PCDH15: variants seen among roughly 807,000 people sequenced by gnomAD.
PCDH15 encodes protocadherin related 15, also known as protocadherin-15.
A neutral mutation model predicts 178.5 loss-of-function variants in PCDH15; 129 were observed. The ratio of observed to expected loss-of-function variants is 0.72; its 90% CI spans 0.63 to 0.84. The LOEUF is 0.84. PCDH15 is among the 40% of genes least tolerant of loss of function. The probability of loss-of-function intolerance (pLI) is 0.00; values close to 1 mark genes in which losing one functional copy is unlikely to be tolerated. For synonymous variants in PCDH15, 800 were observed against 732.0 expected (o/e 1.09, Z -1.50); for missense variants, 2,230 against 2,099.9 (o/e 1.06, Z -1.21).
intron 2 of PCDH15, among the ~76,000 whole-genome samples, chr10:55,618,941 C>T (rs186966135): frequency 1.3e-5 from 2 of 152,130 alleles, no homozygotes; most frequent in African/African-American, 2.4e-5. Context: ...ACTGTGAATG[C>T]ACTTTACAAA....
chr10:54,722,493 T>C (rs2132521900), intron 1 of PCDH15, among the ~76,000 whole-genome samples: 1 of 151,774 alleles, frequency 6.6e-6, no homozygotes, highest in South Asian at 2.1e-4. Flanking sequence ...GTGTTGTTTA[T>C]TTGGTCTTGA....
At chr10:53,880,910 G>A (rs984724421) in intron 26 of PCDH15, among the ~76,000 whole-genome samples, 2 of 152,078 alleles carry the variant, frequency 1.3e-5, no homozygotes, top group African/African-American at 4.8e-5. Context: ...AAAAAACAGT[G>A]TCTGTCCTCA....
intron 9 of PCDH15, among the ~76,000 whole-genome samples, chr10:54,214,685 C>T (rs139426137): frequency 6.3e-4 from 96 of 152,154 alleles, no homozygotes; most frequent in South Asian, 3.9e-3. Context: ...TCTGCCTTCC[C>T]GGTTCAAGTG....
At chr10:55,571,888 T>A (rs1400264819) in intron 2 of PCDH15, among the ~76,000 whole-genome samples, 2 of 152,108 alleles carry the variant, frequency 1.3e-5, no homozygotes, top group African/African-American at 4.8e-5. Context: ...ACTGTATCTT[T>A]GCAAAGCAAT....
chr10:54,120,558 A>G (rs900443650), intron 15 of PCDH15, among the ~76,000 whole-genome samples: 1 of 152,164 alleles, frequency 6.6e-6, no homozygotes, highest in Non-Finnish European at 1.5e-5. Context: ...CATGAAGTAA[A>G]GTAATGATGC....
At chr10:54,937,339 T>C (rs1252619564) in intron 2 of PCDH15, among the ~76,000 whole-genome samples, 1 of 151,938 alleles carries the variant, frequency 6.6e-6, no homozygotes, top group Non-Finnish European at 1.5e-5. Flanking sequence ...TGCGAATTTC[T>C]GCAAGAACAA....
chr10:55,121,330 T>C (rs565935098), intron 2 of PCDH15, among the ~76,000 whole-genome samples: 1 of 146,616 alleles, frequency 6.8e-6, no homozygotes, highest in South Asian at 2.3e-4. Flanking sequence ...AGAAGTGTAT[T>C]ACTTGTTTGG....
intron 2 of PCDH15, among the ~76,000 whole-genome samples, chr10:55,602,871 G>C (rs1843120577): frequency 6.6e-6 from 1 of 152,144 alleles, no homozygotes. Context: ...ACCAGCAACG[G>C]AACAAAGCTG....
At chr10:54,534,795 C>T (rs1414955779) in intron 2 of PCDH15, among the ~76,000 whole-genome samples, 1 of 152,104 alleles carries the variant, frequency 6.6e-6, no homozygotes, top group South Asian at 2.1e-4. Flanking sequence ...CTCATTTTTC[C>T]TGTTGATCTT....
chr10:54,123,872 C>A (rs1461594960), intron 15 of PCDH15, among the ~76,000 whole-genome samples: 1 of 152,122 alleles, frequency 6.6e-6, no homozygotes, highest in Non-Finnish European at 1.5e-5. Context: ...CAGCTGGAGG[C>A]CATCATCCTA....
chr10:54,475,489 C>T (rs2136787581), intron 3 of PCDH15, among the ~76,000 whole-genome samples: 1 of 152,040 alleles, frequency 6.6e-6, no homozygotes, highest in Non-Finnish European at 1.5e-5. Context: ...GCATGTAAAG[C>T]AACTAATAAA....
intron 3 of PCDH15, among the ~76,000 whole-genome samples, chr10:54,409,128 G>A (rs532234348): frequency 1.3e-5 from 2 of 152,268 alleles, no homozygotes; most frequent in South Asian, 4.1e-4. Context: ...CACCATGTGA[G>A]ACATGTATTT....
intron 2 of PCDH15, among the ~76,000 whole-genome samples, chr10:54,547,897 C>T (rs567028299): frequency 6.6e-6 from 1 of 151,910 alleles, no homozygotes; most frequent in South Asian, 2.1e-4. Context: ...TTCTCAGTTA[C>T]CAGCAATTTC....
At chr10:54,469,480 A>T (rs1435587915) in intron 3 of PCDH15, among the ~76,000 whole-genome samples, 1 of 152,178 alleles carries the variant, frequency 6.6e-6, no homozygotes, top group East Asian at 1.9e-4. Flanking sequence ...CTTTATTTTT[A>T]TATGTGAGGG....
chr10:55,300,345 A>T (rs1353265140), intron 1 of PCDH15, among the ~76,000 whole-genome samples: 1 of 152,302 alleles, frequency 6.6e-6, no homozygotes, highest in East Asian at 1.9e-4. Context: ...TGATATGTTG[A>T]CATGCATACC....
chr10:54,387,606 A>G (rs1416681771), intron 3 of PCDH15, among the ~76,000 whole-genome samples: 1 of 152,154 alleles, frequency 6.6e-6, no homozygotes, highest in East Asian at 1.9e-4. Context: ...GGCCTCTCAA[A>G]GTATCAAAAA....
intron 2 of PCDH15, among the ~76,000 whole-genome samples, chr10:54,610,571 G>A (rs528243394): frequency 3.9e-5 from 6 of 151,916 alleles, no homozygotes; most frequent in African/African-American, 1.4e-4. Flanking sequence ...AATATCTGAG[G>A]CTAGACAAAA....
At chr10:55,204,062 T>C (rs1018041817) in intron 1 of PCDH15, among the ~76,000 whole-genome samples, 1 of 150,782 alleles carries the variant, frequency 6.6e-6, no homozygotes, top group African/African-American at 2.4e-5. Context: ...ATTTAAAAAA[T>C]TAATTTATAA....
intron 2 of PCDH15, among the ~76,000 whole-genome samples, chr10:55,418,778 T>C (rs1031142396): frequency 1.3e-5 from 2 of 151,810 alleles, no homozygotes; most frequent in Non-Finnish European, 2.9e-5. Context: ...TTATCTTTCA[T>C]GGGAGAGATT....
Sources: allele counts gnomAD v4.1 joint callset (sites outside exome capture counted in the v4.1 genomes callset), GRCh38; gene constraint gnomAD v4.1.1; transcripts MANE v1.5; gene names NCBI Gene and HGNC (gene_info 2026-07-23, HGNC 2026-07-21).